The following STK31 variants were observed in gnomAD, a reference collection of about 807,000 sequenced individuals.
STK31 encodes serine/threonine kinase 31, also known as serine/threonine-protein kinase 31.
STK31 carries 89 observed loss-of-function variants against 129.7 expected under a neutral mutation model. That is an observed-to-expected ratio of 0.69 (90% CI 0.58 to 0.82). The LOEUF is 0.82. Among genes scored for constraint, STK31 ranks in the 40% least tolerant of loss-of-function variants. The pLI is 0.00. For synonymous variants in STK31, 448 were observed against 395.3 expected (o/e 1.13, Z -1.58); for missense variants, 1,187 against 1,176.4 (o/e 1.01, Z -0.13).
intron 23 of STK31, among the ~76,000 whole-genome samples, chr7:23,824,841 A>G (rs1256572898): frequency 2.0e-5 from 3 of 151,682 alleles, no homozygotes; most frequent in Admixed American, 6.6e-5. Flanking sequence ...CCTTTTCTGC[A>G]TCTATTGAGA....
chr7:23,802,775 A>C (rs1052547999), intron 22 of STK31, among the ~76,000 whole-genome samples: 1 of 152,146 alleles, frequency 6.6e-6, no homozygotes, highest in African/African-American at 2.4e-5. Flanking sequence ...TGGCCTCTCA[A>C]AGTGCTGGGA....
chr7:23,832,431 A>G lies in STK31; in HGVS notation c.*65A>G. 8.6e-7 allele frequency: 1 copy of G among 1,157,636 alleles called. No homozygotes were observed. The highest frequency in any genetic ancestry group is 2.1e-5 in the Admixed American group (1 of 47,320). 71.7% of individuals were successfully genotyped at this position (1,157,636 alleles called of 1,614,324 possible). ...TTTGGTTTGGTTAATACACAGAAATATCTAGAAATGTTCTGGGACTAGTTG... is the reference window on the plus strand; with the variant it reads ...TTTGGTTTGGTTAATACACAGAAATGTCTAGAAATGTTCTGGGACTAGTTG... On this transcript the variant is annotated 3_prime_UTR_variant, in exon 24 of 24. Coordinates refer to ENST00000355870, the MANE Select transcript of STK31 (RefSeq NM_031414.5).
intron 22 of STK31, among the ~76,000 whole-genome samples, chr7:23,808,826 G>C (rs536713558): frequency 1.3e-5 from 2 of 152,176 alleles, no homozygotes; most frequent in Non-Finnish European, 2.9e-5. Flanking sequence ...ATAGGGGGCA[G>C]TTTTTCGTTT....
chr7:23,766,837 A>G (rs1420624047), intron 11 of STK31, among the ~76,000 whole-genome samples: 1 of 152,126 alleles, frequency 6.6e-6, no homozygotes, highest in Non-Finnish European at 1.5e-5. Context: ...TTATCTACAT[A>G]TTTTAATGGC....
chr7:23,777,155 G>A (rs527615276), intron 15 of STK31, among the ~76,000 whole-genome samples: 1 of 152,226 alleles, frequency 6.6e-6, no homozygotes, highest in South Asian at 2.1e-4. Context: ...TCAATCTTAA[G>A]TTCTACTTTG....
Position 23,832,147 on chromosome 7 carries a change from C to G in STK31, c.2841C>G (p.Val947=). 1 of 1,612,842 alleles carries G rather than the reference C, an allele frequency of 6.2e-7. No homozygotes were observed. Among genetic ancestry groups the G allele is most frequent in the Non-Finnish European group, 8.5e-7 (1 of 1,179,324 alleles). ...KVDQFHLDDK[V]KSLLCSLICY... ...GTTTTTCCTTGCAGGATGATAAAGT[C>G]AAATCCCTCCTCTGTAGCTTGATAT... Residue 947 remains valine (V), a synonymous_variant, in exon 24 of 24, where the codon GTC becomes GTG. Coordinates refer to ENST00000355870, the MANE Select transcript of STK31 (RefSeq NM_031414.5).
chr7:23,786,371 A>C, intron 18 of STK31, 137 bp from the exon 19 acceptor site: 22 of 896,790 alleles, frequency 2.5e-5, no homozygotes, highest in Non-Finnish European at 2.8e-5. Context: ...AGAAGATAGA[A>C]AAGTACTTAT....
intron 4 of STK31, 53 bp from the exon 5 acceptor site, chr7:23,727,188 C>G: frequency 2.1e-6 from 3 of 1,429,644 alleles, no homozygotes; most frequent in Non-Finnish European, 3.0e-6. Context: ...TTATTCTGAT[C>G]TGTTCACCAT....
At chr7:23,791,131 G>A (rs1319003370) in intron 22 of STK31, among the ~76,000 whole-genome samples, 185 bp downstream of exon 22, 3 of 152,134 alleles carry the variant, frequency 2.0e-5, no homozygotes, top group Non-Finnish European at 4.4e-5. Flanking sequence ...TTGGCTTGAT[G>A]TATATTTTAG....
At chr7:23,781,286 A>G (rs1009648519) in intron 15 of STK31, 133 bp from the exon 16 acceptor site, 4 of 585,342 alleles carry the variant, frequency 6.8e-6, no homozygotes, top group African/African-American at 3.9e-5. Flanking sequence ...AAGTATTAGA[A>G]GGGTCTTTTA....
intron 22 of STK31, among the ~76,000 whole-genome samples, chr7:23,797,339 T>C (rs999767329): frequency 1.3e-5 from 2 of 152,106 alleles, no homozygotes; most frequent in Non-Finnish European, 1.5e-5. Context: ...ATAACACTTA[T>C]TCAGAAATTG....
At chr7:23,774,251 T>A (rs189330062) in intron 15 of STK31, among the ~76,000 whole-genome samples, 1 of 152,312 alleles carries the variant, frequency 6.6e-6, no homozygotes, top group East Asian at 1.9e-4. Context: ...TACGTGTGCA[T>A]GTGTCTTTAT....
At chr7:23,724,382 T>C (rs1043354670) in intron 4 of STK31, among the ~76,000 whole-genome samples, 30 of 152,192 alleles carry the variant, frequency 2.0e-4, no homozygotes, top group African/African-American at 7.2e-4. Context: ...TTGTCCGGCT[T>C]TCCCAGCTAG....
chr7:23,762,748 T>C, intron 10 of STK31, 53 bp from the exon 11 acceptor site: 1 of 1,590,664 alleles, frequency 6.3e-7, no homozygotes, highest in South Asian at 1.2e-5. Context: ...ATAGGTCATA[T>C]GCGGAAAAGA....
At chr7:23,772,741 A>G (rs910593623) in intron 15 of STK31, among the ~76,000 whole-genome samples, 1 of 152,166 alleles carries the variant, frequency 6.6e-6, no homozygotes, top group African/African-American at 2.4e-5. Flanking sequence ...TTGCTTTTAT[A>G]TGATAATAGA....
chr7:23,752,848 T>C lies in STK31; in HGVS notation c.1133+16T>C. On this transcript the variant is annotated intron_variant, in intron 9 of 23. Transcript: ENST00000355870. ...AAGAAATGAGGTAGGTAAAAGCATA[T>C]TTTTCAGAAGGATATTTTAAACTAA... 6.6e-7 allele frequency: 1 copy of C among 1,509,694 alleles called. No individual in the cohort carries two copies. The highest frequency in any genetic ancestry group is 1.2e-5 in the South Asian group (1 of 85,582). 93.5% of individuals were successfully genotyped at this position (1,509,694 alleles called of 1,614,324 possible). A position where few individuals can be genotyped will look rare whatever the true frequency, so the allele number is the denominator to read the frequency against.
Position 23,827,702 on chromosome 7 carries a change from G to GT in STK31, c.2830-4428dup, listed in dbSNP as rs1794260273. On this transcript the variant is annotated intron_variant, in intron 23 of 23. Coordinates refer to ENST00000355870, the MANE Select transcript of STK31 (RefSeq NM_031414.5). ...TTAGAGTTTCCGGTTTTTCTGCTCT[G>GT]TTTTTTCCCCATCTTTGTGGTTTTA... 9.2e-5 allele frequency among the ~76,000 whole-genome samples: 14 copies of GT among 152,252 alleles called. No individual in the cohort carries two copies. In the South Asian group the frequency reaches 2.9e-3, roughly 32 times the overall value.
chr7:23,753,924 A>T (rs181698003), intron 9 of STK31, among the ~76,000 whole-genome samples: 1 of 152,166 alleles, frequency 6.6e-6, no homozygotes, highest in African/African-American at 2.4e-5. Context: ...TGGGTTTCTT[A>T]TATGTCTTTT....
At chr7:23,740,916 A>G (rs545995326) in intron 8 of STK31, among the ~76,000 whole-genome samples, 1 of 152,350 alleles carries the variant, frequency 6.6e-6, no homozygotes, top group African/African-American at 2.4e-5. Context: ...AGTAAAGGCA[A>G]GATAAATACT....
Sources: allele counts gnomAD v4.1 joint callset (sites outside exome capture counted in the v4.1 genomes callset), GRCh38; gene constraint gnomAD v4.1.1; transcripts MANE v1.5; gene names NCBI Gene and HGNC (gene_info 2026-07-23, HGNC 2026-07-21).